Variants in COL22A1 observed in about 807,000 individuals in gnomAD.
COL22A1 encodes the protein collagen alpha-1(XXII) chain.
COL22A1 carries 221 observed loss-of-function variants against 248.9 expected under a neutral mutation model. The observed-to-expected ratio is 0.89, with a 90% confidence interval of 0.80 to 0.99. COL22A1 has a LOEUF of 0.99. Ranked by LOEUF, COL22A1 falls within the 50% of genes least tolerant of loss-of-function variation. The pLI is 0.00. For missense variants in COL22A1, 2,240 were observed against 2,179.0 expected, an observed-to-expected ratio of 1.03 and a Z score of -0.56; for synonymous variants, 891 against 793.4, an observed-to-expected ratio of 1.12 and a Z score of -2.07.
chr8:138,757,723 G>A (rs979621310), intron 18 of COL22A1, among the ~76,000 whole-genome samples: 1 of 152,234 alleles, frequency 6.6e-6, no homozygotes, highest in Admixed American at 6.5e-5. Flanking sequence ...CTGTCTTAAA[G>A]ATGAGGAAAC....
chr8:138,786,956 G>A (rs924378670), intron 12 of COL22A1, among the ~76,000 whole-genome samples: 3 of 152,178 alleles, frequency 2.0e-5, no homozygotes, highest in African/African-American at 7.2e-5. Context: ...GCCCTGAGCT[G>A]CCTATTCATC....
chr8:138,705,743 C>A (rs903506763), intron 30 of COL22A1, among the ~76,000 whole-genome samples: 64 of 152,256 alleles, frequency 4.2e-4, no homozygotes, highest in African/African-American at 1.5e-3. Flanking sequence ...AAATAACCAG[C>A]TAACATCATA....
chr8:138,872,289 G>C (rs1823402124), intron 3 of COL22A1, among the ~76,000 whole-genome samples: 2 of 152,162 alleles, frequency 1.3e-5, no homozygotes, highest in African/African-American at 4.8e-5. Flanking sequence ...GTGGGAGAGG[G>C]GGAGGGGATG....
intron 5 of COL22A1, 48 bp from the exon 6 acceptor site, chr8:138,826,829 G>A (rs542412833): frequency 1.9e-6 from 3 of 1,606,388 alleles, no homozygotes; most frequent in South Asian, 1.1e-5. Flanking sequence ...ATGAGAGCAG[G>A]GAGCCAGCAA....
rs769563949 is a variant in COL22A1 at position 138,725,461 on chromosome 8, G to A, written c.2140-21C>T. 5 of 1,610,878 alleles carry A rather than the reference G, an allele frequency of 3.1e-6. No individual in the cohort carries two copies. In the Admixed American group the frequency reaches 5.0e-5, roughly 16 times the overall value. On this transcript the variant is annotated intron_variant, in intron 23 of 64. Transcript: ENST00000303045. ...GGGCCCTGTAGAGAAAGAGCATTTGGTGGGCTACAGATGGGTCCTGATGAG... is the reference window on the plus strand; with the variant it reads ...GGGCCCTGTAGAGAAAGAGCATTTGATGGGCTACAGATGGGTCCTGATGAG...
At chr8:138,877,237 T>A (rs1823787486) in intron 3 of COL22A1, among the ~76,000 whole-genome samples, 1 of 152,142 alleles carries the variant, frequency 6.6e-6, no homozygotes. Context: ...TGTGTCTAAA[T>A]GACTGACTCT....
At position 138,708,251 on chromosome 8, in the gene COL22A1, A is replaced by G. The variant is rs930561152; in HGVS notation, c.2518-4904T>C. ...AATTCAATGCCATCCCCATCAAGCTACCAATGACTTTCTTCACAGAATTGG... is the reference window on the plus strand; with the variant it reads ...AATTCAATGCCATCCCCATCAAGCTGCCAATGACTTTCTTCACAGAATTGG... On this transcript the variant is annotated intron_variant, in intron 30 of 64. Coordinates refer to ENST00000303045, the MANE Select transcript of COL22A1 (RefSeq NM_152888.3). 3.3e-5 allele frequency among the ~76,000 whole-genome samples: 5 copies of G among 152,236 alleles called. No homozygotes were observed. The East Asian group carries it at 9.6e-4, about 29-fold the overall frequency.
chr8:138,759,620 A>AT, intron 18 of COL22A1, among the ~76,000 whole-genome samples: 1 of 152,284 alleles, frequency 6.6e-6, no homozygotes, highest in Admixed American at 6.5e-5. Flanking sequence ...TTTCATGGAC[A>AT]TTTTTGTAGG....
chr8:138,825,833 G>A (rs1321010865), intron 6 of COL22A1: 2 of 152,220 alleles, frequency 1.3e-5, no homozygotes, highest in African/African-American at 4.8e-5. Context: ...AGAGGAGAAA[G>A]AAACGGTTTG....
chr8:138,604,789 A>G lies in COL22A1; in HGVS notation c.4105-20T>C, dbSNP rs555863504. The G allele has an allele frequency of 6.2e-7, 1 of 1,607,808 alleles. No individual in the cohort carries two copies. Among genetic ancestry groups the G allele is most frequent in the South Asian group, 1.1e-5 (1 of 90,046 alleles). ...TTCTCCCTGGAAAACAGAACAGAAT[A>G]TCAGTGGCTCTGCAGCATCAGCCCA... On this transcript the variant is annotated intron_variant, in intron 58 of 64. Transcript: ENST00000303045.
chr8:138,784,689 T>C lies in COL22A1; in HGVS notation c.1597-3709A>G, dbSNP rs927625358. On this transcript the variant is annotated intron_variant, in intron 12 of 64. Coordinates refer to ENST00000303045, the MANE Select transcript of COL22A1 (RefSeq NM_152888.3). ...GTTGCTGAGGATAGTTTATCTATTA[T>C]TACAAGGCGCCAGGCACTGAGCACT... 2.6e-5 allele frequency among the ~76,000 whole-genome samples: 4 copies of C among 152,160 alleles called. No homozygotes were observed. In the East Asian group the frequency reaches 7.7e-4, roughly 29 times the overall value.
intron 27 of COL22A1, among the ~76,000 whole-genome samples, chr8:138,720,166 T>G (rs1204805357): frequency 6.6e-6 from 1 of 152,094 alleles, no homozygotes; most frequent in Non-Finnish European, 1.5e-5. Flanking sequence ...AAGCCTCCAT[T>G]TCCCCCTCAG....
intron 57 of COL22A1, among the ~76,000 whole-genome samples, chr8:138,606,807 C>T (rs1197822161): frequency 6.6e-6 from 1 of 152,160 alleles, no homozygotes; most frequent in Non-Finnish European, 1.5e-5. Flanking sequence ...GCGGCCAAAG[C>T]TCACTTGGTA....
intron 1 of COL22A1, among the ~76,000 whole-genome samples, chr8:138,901,020 C>T (rs75150881): frequency 1.3e-5 from 2 of 152,084 alleles, no homozygotes; most frequent in Non-Finnish European, 2.9e-5. Context: ...TTATAGTATT[C>T]TTTGGCTACT....
At chr8:138,609,573 G>A (rs1055137583) in intron 56 of COL22A1, among the ~76,000 whole-genome samples, 1 of 152,144 alleles carries the variant, frequency 6.6e-6, no homozygotes, top group South Asian at 2.1e-4. Context: ...CGGCCCTTCC[G>A]CGAACGCTGC....
intron 41 of COL22A1, among the ~76,000 whole-genome samples, chr8:138,674,544 A>T (rs1825347317): frequency 6.6e-6 from 1 of 152,240 alleles, no homozygotes; most frequent in South Asian, 2.1e-4. Context: ...CAGCCTCTTG[A>T]CTAGAGCCAG....
At chr8:138,682,946 G>A (rs1441118514) in intron 39 of COL22A1, among the ~76,000 whole-genome samples, 12 of 152,114 alleles carry the variant, frequency 7.9e-5, no homozygotes, top group East Asian at 1.9e-4. Flanking sequence ...TGATCCACCC[G>A]CCTTGGCCTC....
chr8:138,663,338 C>A (rs1219651444), intron 42 of COL22A1, among the ~76,000 whole-genome samples: 1 of 152,150 alleles, frequency 6.6e-6, no homozygotes, highest in Non-Finnish European at 1.5e-5. Context: ...AAGAGCAATC[C>A]CCATGTTGGC....
rs549638439 is a variant in COL22A1 at position 138,883,152 on chromosome 8, G to A, written c.21C>T (p.Asn7=). The A allele has an allele frequency of 1.1e-5, 18 of 1,596,428 alleles. No homozygotes were observed. The highest frequency in any genetic ancestry group is 3.3e-4 in the Middle Eastern group (2 of 6,044). ...GCATCCAGAGGAGGCCAGCCACAGC[G>A]TTCCCTCGGAGGCCGGCCATGGCTC... MAGLRG[N]AVAGLLWMLL... The change falls in exon 2 of 65, where the codon AAC becomes AAT. Residue 7 remains asparagine, a synonymous_variant. Transcript: ENST00000303045.
Sources: gnomAD v4.1 joint callset for allele counts (sites outside exome capture counted in the v4.1 genomes callset) on GRCh38, gnomAD v4.1.1 for gene constraint, MANE v1.5 for transcripts, NCBI Gene and HGNC (gene_info 2026-07-23, HGNC 2026-07-21) for gene names.